SETBP1: variants seen among roughly 807,000 people sequenced by gnomAD.
SETBP1 encodes the protein SET binding protein 1, also known as SET-binding protein.
In SETBP1, 9 loss-of-function variants were observed where a neutral mutation model predicts 101.0. The observed-to-expected ratio is 0.09, with a 90% confidence interval of 0.05 to 0.16. SETBP1 has a LOEUF of 0.16. Among genes scored for constraint, SETBP1 ranks in the 10% least tolerant of loss-of-function variants. The pLI, the probability that SETBP1 is intolerant of heterozygous loss-of-function variation, is 1.00. For synonymous variants in SETBP1, 818 were observed against 788.5 expected (o/e 1.04, Z -0.63); for missense variants, 1,858 against 2,033.8 (o/e 0.91, Z 1.66).
At chr18:44,830,054 G>A (rs2072325442) in intron 2 of SETBP1, among the ~76,000 whole-genome samples, 1 of 152,162 alleles carries the variant, frequency 6.6e-6, no homozygotes, top group African/African-American at 2.4e-5. Flanking sequence ...CTGCATGTTA[G>A]TAAAAATTAT....
At chr18:44,791,745 G>C (rs1465334483) in intron 2 of SETBP1, among the ~76,000 whole-genome samples, 1 of 152,188 alleles carries the variant, frequency 6.6e-6, no homozygotes, top group Non-Finnish European at 1.5e-5. Flanking sequence ...GAGAGAGCGA[G>C]AGAGAGCAAG....
chr18:44,862,252 A>G (rs1207343716), intron 2 of SETBP1, among the ~76,000 whole-genome samples: 1 of 152,228 alleles, frequency 6.6e-6, no homozygotes, highest in Non-Finnish European at 1.5e-5. Flanking sequence ...GAAGCAATAA[A>G]AGAAAAATAT....
At chr18:44,770,262 G>C (rs1264748463) in intron 2 of SETBP1, among the ~76,000 whole-genome samples, 2 of 152,184 alleles carry the variant, frequency 1.3e-5, no homozygotes, top group East Asian at 1.9e-4. Context: ...AGAGAGCATA[G>C]AGCCATAAGT....
intron 2 of SETBP1, among the ~76,000 whole-genome samples, chr18:44,753,409 G>A (rs555142817): frequency 6.6e-6 from 1 of 152,318 alleles, no homozygotes; most frequent in African/African-American, 2.4e-5. Context: ...CCTAAGCATA[G>A]GAACTACAGA....
intron 3 of SETBP1, among the ~76,000 whole-genome samples, chr18:44,899,840 T>C (rs1168558648): frequency 2.0e-5 from 3 of 152,138 alleles, no homozygotes; most frequent in Non-Finnish European, 2.9e-5. Context: ...GCTTTTTAAG[T>C]ATAAGATATT....
At chr18:44,997,540 C>A (rs1172312392) in intron 4 of SETBP1, among the ~76,000 whole-genome samples, 1 of 152,200 alleles carries the variant, frequency 6.6e-6, no homozygotes, top group East Asian at 1.9e-4. Context: ...TGGAGCAATT[C>A]TTGAGATCTA....
At chr18:44,879,546 T>C (rs2069483384) in intron 3 of SETBP1, among the ~76,000 whole-genome samples, 1 of 152,168 alleles carries the variant, frequency 6.6e-6, no homozygotes, top group Non-Finnish European at 1.5e-5. Flanking sequence ...AGAGCACAAA[T>C]TTCAGCTTCC....
chr18:44,706,317 G>A (rs1228940400), intron 2 of SETBP1, among the ~76,000 whole-genome samples: 1 of 152,032 alleles, frequency 6.6e-6, no homozygotes, highest in African/African-American at 2.4e-5. Flanking sequence ...TGGGCACAGT[G>A]GCTCCTGCCT....
intron 3 of SETBP1, among the ~76,000 whole-genome samples, chr18:44,905,459 A>G (rs1599302929): frequency 6.6e-6 from 1 of 152,326 alleles, no homozygotes; most frequent in African/African-American, 2.4e-5. Flanking sequence ...TATGTCTAAC[A>G]CATCTTAGAT....
At position 44,814,313 on chromosome 18, in the gene SETBP1, G is replaced by A. The variant is rs138584537; in HGVS notation, c.487-54917G>A. 2.2e-3 allele frequency among the ~76,000 whole-genome samples: 330 copies of A among 152,334 alleles called. 5 individuals carry two copies. Among genetic ancestry groups the A allele is most frequent in the Middle Eastern group, 6.8e-3 (2 of 294 alleles). On this transcript the variant is annotated intron_variant, in intron 2 of 5. Transcript: ENST00000649279. ...GCAAGATAGTTGTGGTAGAAATGGA[G>A]GTTGCTGGGTGGGGTTAGGAGGAGT...
intron 2 of SETBP1, among the ~76,000 whole-genome samples, chr18:44,833,319 G>A (rs190326234): frequency 6.8e-4 from 104 of 152,358 alleles, no homozygotes; most frequent in African/African-American, 2.3e-3. Context: ...TCTGGAGAAA[G>A]GGAGGCTTCT....
chr18:44,760,769 T>G (rs1305241795), intron 2 of SETBP1, among the ~76,000 whole-genome samples: 1 of 152,248 alleles, frequency 6.6e-6, no homozygotes, highest in Non-Finnish European at 1.5e-5. Flanking sequence ...GTGTATATAC[T>G]GTTTTTTAAC....
At chr18:44,880,782 C>T (rs950554282) in intron 3 of SETBP1, among the ~76,000 whole-genome samples, 4 of 152,108 alleles carry the variant, frequency 2.6e-5, no homozygotes, top group Admixed American at 2.6e-4. Context: ...CTCTTATCAC[C>T]AAGAGGACAG....
At chr18:44,912,613 T>C (rs1266140741) in intron 3 of SETBP1, among the ~76,000 whole-genome samples, 1 of 152,058 alleles carries the variant, frequency 6.6e-6, no homozygotes, top group Non-Finnish European at 1.5e-5. Flanking sequence ...GAGAAGGGGT[T>C]TCATCGTGTT....
chr18:44,867,460 T>G (rs2069153710), intron 2 of SETBP1, among the ~76,000 whole-genome samples: 1 of 152,220 alleles, frequency 6.6e-6, no homozygotes, highest in Non-Finnish European at 1.5e-5. Context: ...CTTGCTTCAT[T>G]TCCCCAGTTT....
intron 2 of SETBP1, among the ~76,000 whole-genome samples, chr18:44,721,945 A>G (rs899324617): frequency 3.3e-5 from 5 of 152,160 alleles, no homozygotes; most frequent in African/African-American, 1.2e-4. Context: ...ACCGAAGCAA[A>G]TCTTTGTGGC....
At chr18:44,832,968 C>A (rs560160679) in intron 2 of SETBP1, among the ~76,000 whole-genome samples, 1 of 152,340 alleles carries the variant, frequency 6.6e-6, no homozygotes, top group South Asian at 2.1e-4. Flanking sequence ...TCACCCTAGA[C>A]CCATCACCTC....
intron 3 of SETBP1, among the ~76,000 whole-genome samples, chr18:44,901,948 C>CA (rs781746544): frequency 1.3e-5 from 2 of 152,162 alleles, no homozygotes; most frequent in Non-Finnish European, 2.9e-5. Context: ...TCCCCAGTTA[C>CA]AAACTTATTT....
intron 4 of SETBP1, among the ~76,000 whole-genome samples, chr18:45,011,648 T>C (rs1351257675): frequency 6.6e-6 from 1 of 152,214 alleles, no homozygotes; most frequent in Non-Finnish European, 1.5e-5. Context: ...AACCAGGCTT[T>C]GTGCTATTCT....
Sources: allele counts gnomAD v4.1 joint callset (sites outside exome capture counted in the v4.1 genomes callset), GRCh38; gene constraint gnomAD v4.1.1; transcripts MANE v1.5; gene names NCBI Gene and HGNC (gene_info 2026-07-23, HGNC 2026-07-21).